DLGAP1: variants seen among roughly 807,000 people sequenced by gnomAD.
DLGAP1 encodes DLG associated protein 1, also known as disks large-associated protein 1.
In DLGAP1, 11 loss-of-function variants were observed where a neutral mutation model predicts 90.8. The ratio of observed to expected loss-of-function variants is 0.12; its 90% CI spans 0.08 to 0.20. DLGAP1 has a LOEUF of 0.20. DLGAP1 is among the 10% of genes least tolerant of loss of function. The probability of loss-of-function intolerance (pLI) is 1.00; values close to 1 mark genes in which losing one functional copy is unlikely to be tolerated. For missense variants in DLGAP1, 1,050 were observed against 1,333.8 expected, an observed-to-expected ratio of 0.79 and a Z score of 3.31; for synonymous variants, 558 against 540.7, an observed-to-expected ratio of 1.03 and a Z score of -0.44.
At chr18:3,672,233 CACACACAG>C (rs1297310038) in intron 7 of DLGAP1, among the ~76,000 whole-genome samples, 1 of 146,780 alleles carries the variant, frequency 6.8e-6, no homozygotes, top group African/African-American at 2.6e-5. Flanking sequence ...CACACACACA[CACACACAG>C]AGGCAAGAAT....
chr18:4,283,230 C>T (rs1598807399), intron 1 of DLGAP1, among the ~76,000 whole-genome samples: 1 of 152,254 alleles, frequency 6.6e-6, no homozygotes, highest in Non-Finnish European at 1.5e-5. Flanking sequence ...CTGAGAGTCA[C>T]TTTTAAAAAG....
Position 3,682,162 on chromosome 18 carries a change from C to G in DLGAP1, c.1591+46973G>C, listed in dbSNP as rs184832979. Among the ~76,000 whole-genome samples, 28 of 150,662 alleles carry G rather than the reference C, an allele frequency of 1.9e-4. No individual in the cohort carries two copies. In the East Asian group the frequency reaches 3.7e-3, roughly 20 times the overall value. ...AAAATAAAAATAACGAACGAACTAACTAATTAACTAAATAAAATAAAAGTG... is the reference window on the plus strand; with the variant it reads ...AAAATAAAAATAACGAACGAACTAAGTAATTAACTAAATAAAATAAAAGTG... On this transcript the variant is annotated intron_variant, in intron 7 of 12. Transcript: ENST00000315677.
chr18:4,301,605 G>C (rs1050155350), intron 1 of DLGAP1, among the ~76,000 whole-genome samples: 1 of 152,122 alleles, frequency 6.6e-6, no homozygotes, highest in African/African-American at 2.4e-5. Context: ...CAGTGAACAC[G>C]GATATGCAGA....
At chr18:3,784,942 G>A (rs946053256) in intron 5 of DLGAP1, among the ~76,000 whole-genome samples, 37 of 152,046 alleles carry the variant, frequency 2.4e-4, no homozygotes, top group African/African-American at 6.0e-4. Context: ...ATACAACCAC[G>A]CTCCTGCTGC....
At chr18:3,673,452 G>A (rs2060171935) in intron 7 of DLGAP1, among the ~76,000 whole-genome samples, 1 of 152,200 alleles carries the variant, frequency 6.6e-6, no homozygotes, top group South Asian at 2.1e-4. Flanking sequence ...GAAAGCCATG[G>A]TTGATAGGAT....
intron 2 of DLGAP1, among the ~76,000 whole-genome samples, chr18:4,085,076 ATTATT>A (rs1398795921): frequency 6.6e-6 from 1 of 152,214 alleles, no homozygotes; most frequent in Non-Finnish European, 1.5e-5. Context: ...ATTATTCTAT[ATTATT>A]TTATATATAC....
intron 5 of DLGAP1, among the ~76,000 whole-genome samples, chr18:3,799,621 T>G: frequency 6.6e-6 from 1 of 152,068 alleles, no homozygotes. Context: ...GACAGAGGCT[T>G]GCCAAGCTGT....
chr18:3,557,184 T>G (rs2053802002), intron 9 of DLGAP1, among the ~76,000 whole-genome samples: 1 of 152,212 alleles, frequency 6.6e-6, no homozygotes, highest in Non-Finnish European at 1.5e-5. Context: ...ATGCTATAAC[T>G]GTCCCTCTAA....
chr18:3,535,061 C>G (rs2052266527), intron 9 of DLGAP1, among the ~76,000 whole-genome samples: 2 of 144,716 alleles, frequency 1.4e-5, no homozygotes, highest in Non-Finnish European at 3.0e-5. Flanking sequence ...GTCTCATCTT[C>G]TCAATCTTCT....
In DLGAP1 at chr18:4,027,503, C is replaced by CAAAAAAAAAA. The variant is rs59592467; in HGVS notation, c.-158-22312_-158-22303dup. ...TAGGTGACAGAGCAAGACTCCGTCT[C>CAAAAAAAAAA]AAAAAAAAAAAAAAAAAAAAAAAAA... On this transcript the variant is annotated intron_variant, in intron 2 of 12. Coordinates refer to ENST00000315677, the MANE Select transcript of DLGAP1 (RefSeq NM_004746.4). 1.3e-4 allele frequency among the ~76,000 whole-genome samples: 7 copies of CAAAAAAAAAA among 55,580 alleles called. 1 individual carries two copies. The highest frequency in any genetic ancestry group is 1.9e-4 in the Non-Finnish European group (6 of 32,178). 36.5% of individuals were successfully genotyped at this position (55,580 alleles called of 152,430 possible). A position where few individuals can be genotyped will look rare whatever the true frequency, so the allele number is the denominator to read the frequency against.
At chr18:3,627,913 T>C (rs1161133581) in intron 7 of DLGAP1, among the ~76,000 whole-genome samples, 6 of 141,798 alleles carry the variant, frequency 4.2e-5, no homozygotes, top group South Asian at 2.5e-4. Flanking sequence ...AGTCTCGCTC[T>C]GTTGTCCAGG....
intron 2 of DLGAP1, among the ~76,000 whole-genome samples, chr18:4,091,099 G>A (rs572251792): frequency 1.3e-5 from 2 of 152,308 alleles, no homozygotes; most frequent in Admixed American, 6.5e-5. Context: ...TTGTTGGGGT[G>A]GGGGTAGGGA....
intron 7 of DLGAP1, among the ~76,000 whole-genome samples, chr18:3,633,716 G>T (rs1021379373): frequency 4.6e-5 from 7 of 152,158 alleles, no homozygotes; most frequent in Non-Finnish European, 8.8e-5. Flanking sequence ...AAAAGCTATA[G>T]ATACTTTTCT....
At chr18:4,391,487 G>A (rs1033992832) in intron 1 of DLGAP1, among the ~76,000 whole-genome samples, 5 of 152,002 alleles carry the variant, frequency 3.3e-5, no homozygotes, top group African/African-American at 9.7e-5. Context: ...CTCAAATGCC[G>A]AGTAATATTC....
intron 7 of DLGAP1, among the ~76,000 whole-genome samples, chr18:3,626,702 T>G (rs2146109143): frequency 1.3e-5 from 2 of 151,880 alleles, no homozygotes; most frequent in Admixed American, 1.3e-4. Context: ...GGTCAGGAGT[T>G]CAAGACCAGC....
chr18:4,048,834 C>T (rs921343946), intron 2 of DLGAP1, among the ~76,000 whole-genome samples: 1 of 152,228 alleles, frequency 6.6e-6, no homozygotes, highest in African/African-American at 2.4e-5. Context: ...CAGTATAATA[C>T]ATTATCAACT....
At chr18:3,758,290 T>G (rs906829052) in intron 5 of DLGAP1, among the ~76,000 whole-genome samples, 48 of 152,176 alleles carry the variant, frequency 3.2e-4, no homozygotes, top group African/African-American at 1.1e-3. Flanking sequence ...ACAATAAGTC[T>G]TGGCTTTGTC....
chr18:4,135,282 T>C (rs1329360881), intron 2 of DLGAP1, among the ~76,000 whole-genome samples: 2 of 151,790 alleles, frequency 1.3e-5, no homozygotes, highest in Non-Finnish European at 2.9e-5. Flanking sequence ...GGGGAGCAGA[T>C]GAAAGGGGGT....
At chr18:4,449,215 T>C (rs548951213) in intron 1 of DLGAP1, among the ~76,000 whole-genome samples, 1 of 152,192 alleles carries the variant, frequency 6.6e-6, no homozygotes, top group Non-Finnish European at 1.5e-5. Context: ...TCTACTAATA[T>C]GTTAATTTTG....
Sources: allele counts gnomAD v4.1 joint callset (sites outside exome capture counted in the v4.1 genomes callset), GRCh38; gene constraint gnomAD v4.1.1; transcripts MANE v1.5; gene names NCBI Gene and HGNC (gene_info 2026-07-23, HGNC 2026-07-21).